The following ADARB2 variants were observed in gnomAD, a reference collection of about 807,000 sequenced individuals.
The protein encoded by ADARB2 is inactive double-stranded RNA-specific editase B2.
A neutral mutation model predicts 62.2 loss-of-function variants in ADARB2; 25 were observed. The observed-to-expected ratio is 0.40, with a 90% CI of 0.29 to 0.56. The LOEUF is 0.56. Ranked by LOEUF, ADARB2 falls within the 20% of genes least tolerant of loss-of-function variation. The pLI is 0.43. For missense variants in ADARB2, 1,071 were observed against 1,077.4 expected (o/e 0.99, Z 0.08); for synonymous variants, 572 against 500.8 (o/e 1.14, Z -1.90).
At chr10:1,518,148 G>C (rs980638391) in intron 1 of ADARB2, among the ~76,000 whole-genome samples, 2 of 152,212 alleles carry the variant, frequency 1.3e-5, no homozygotes, top group Non-Finnish European at 2.9e-5. Context: ...AGCAGCGAGA[G>C]CGATGGATCC....
chr10:1,534,599 G>C (rs1832299504), intron 1 of ADARB2: 1 of 152,454 alleles, frequency 6.6e-6, no homozygotes, highest in Admixed American at 6.5e-5. Context: ...GATGATCCCT[G>C]CATTAGTTGG....
At chr10:1,550,125 C>T (rs992473672) in intron 1 of ADARB2, among the ~76,000 whole-genome samples, 2 of 152,124 alleles carry the variant, frequency 1.3e-5, no homozygotes, top group African/African-American at 4.8e-5. Flanking sequence ...AAATGGGGTC[C>T]CTGCTCCCCA....
At chr10:1,578,061 G>A (rs1833044579) in intron 1 of ADARB2, among the ~76,000 whole-genome samples, 2 of 152,166 alleles carry the variant, frequency 1.3e-5, no homozygotes, top group Non-Finnish European at 2.9e-5. Flanking sequence ...AGTTGCTCCA[G>A]CCACCCCATC....
chr10:1,702,281 A>T lies in ADARB2; in HGVS notation c.100+34770T>A, dbSNP rs79945722. On this transcript the variant is annotated intron_variant, in intron 1 of 9. Coordinates refer to ENST00000381312, the MANE Select transcript of ADARB2 (RefSeq NM_018702.4). The stretch of plus-strand genomic sequence containing the variant: ...TATAAAAGCACAATTTTTGAATTAA[A>T]CTCAATTTTGACAGTAGTGGATAAC... Among the ~76,000 whole-genome samples, 1,044 of 152,356 alleles carry T rather than the reference A, an allele frequency of 6.9e-3. 4 individuals are homozygous for T. The highest frequency in any genetic ancestry group is 0.011 in the Non-Finnish European group (746 of 68,032).
rs549896893 is a variant in ADARB2, at chr10:1,604,418, G to C, written c.100+132633C>G. 3.9e-4 allele frequency among the ~76,000 whole-genome samples: 59 copies of C among 152,282 alleles called. 1 individual carries two copies. In the South Asian group the frequency reaches 0.011, roughly 29 times the overall value. ...GGCTTCCCTGTGATCTCCAGGCTGG[G>C]AACAGGCAGGAAGATTCGACCCAGA... On this transcript the variant is annotated intron_variant, in intron 1 of 9. Transcript: ENST00000381312.
At position 1,510,168 on chromosome 10, in the gene ADARB2, CTTTT is replaced by C. The variant is rs368944808; in HGVS notation, c.101-131012_101-131009del. Among the ~76,000 whole-genome samples the C allele has an allele frequency of 2.8e-4, 13 of 45,958 alleles. No homozygotes were observed. The Middle Eastern group carries it at 0.036, about 126-fold the overall frequency. The allele number at this position is 45,958 out of a possible 152,430, so 30.2% of individuals were successfully genotyped here. On this transcript the variant is annotated intron_variant, in intron 1 of 9. Transcript: ENST00000381312. ...TCTTTCTTTCTTTCTTTCTTTCTTTCTTTTTCTTTCTTTCTTTTTCTTTCTTTCT... is the reference window on the plus strand; with the variant it reads ...TCTTTCTTTCTTTCTTTCTTTCTTTCTCTTTCTTTCTTTTTCTTTCTTTCT...
chr10:1,375,970 TGTGCACACACAC>T (rs1564273601), intron 2 of ADARB2, among the ~76,000 whole-genome samples: 3 of 138,890 alleles, frequency 2.2e-5, no homozygotes, highest in African/African-American at 8.1e-5. Flanking sequence ...CACACACACA[TGTGCACACACAC>T]GCACACACAC....
At chr10:1,506,349 T>A (rs1383166968) in intron 1 of ADARB2, among the ~76,000 whole-genome samples, 1 of 152,182 alleles carries the variant, frequency 6.6e-6, no homozygotes. Flanking sequence ...CTGGAATGCC[T>A]AATGGAAGCT....
chr10:1,363,386 C>G lies in ADARB2; in HGVS notation c.719G>C (p.Arg240Pro). 2.2e-6 allele frequency: 3 copies of G among 1,334,278 alleles called. No homozygotes were observed. Among genetic ancestry groups the G allele is most frequent in the Non-Finnish European group, 2.9e-6 (3 of 1,041,402 alleles). 82.7% of individuals were successfully genotyped at this position (1,334,278 alleles called of 1,614,324 possible). Residue 240 changes from arginine (R) to proline (P), a missense_variant, in exon 3 of 10, where the codon CGC becomes CCC. Transcript: ENST00000381312. ...GGACAGAAGCGCGGCGTCCCCGGGGCGGCCTCCCGCGAGTCCGGGGCGCGG... is the reference window on the plus strand; with the variant it reads ...GGACAGAAGCGCGGCGTCCCCGGGGGGGCCTCCCGCGAGTCCGGGGCGCGG... Reference protein sequence around the residue: ...PAPRPGLAGGRPGDAALLSAA... With the variant: ...PAPRPGLAGGPPGDAALLSAA...
At chr10:1,453,704 G>T (rs929849382) in intron 1 of ADARB2, among the ~76,000 whole-genome samples, 3 of 152,090 alleles carry the variant, frequency 2.0e-5, no homozygotes, top group African/African-American at 7.2e-5. Context: ...TTGAACAGAC[G>T]TTTCTCCAAA....
At chr10:1,519,964 G>A (rs1158257014) in intron 1 of ADARB2, among the ~76,000 whole-genome samples, 1 of 152,122 alleles carries the variant, frequency 6.6e-6, no homozygotes, top group Non-Finnish European at 1.5e-5. Context: ...CACACCCTGG[G>A]CAAATCCTTT....
chr10:1,527,895 T>G (rs564724396), intron 1 of ADARB2, among the ~76,000 whole-genome samples: 42 of 152,264 alleles, frequency 2.8e-4, no homozygotes, highest in African/African-American at 1.0e-3. Context: ...CATTCATAAA[T>G]TTATCATTCT....
intron 1 of ADARB2, among the ~76,000 whole-genome samples, chr10:1,644,161 C>T (rs1350589301): frequency 6.6e-6 from 1 of 152,238 alleles, no homozygotes; most frequent in Non-Finnish European, 1.5e-5. Context: ...CCACAAAGAG[C>T]TCAAGGATAA....
chr10:1,539,992 A>T (rs1454387359), intron 1 of ADARB2, among the ~76,000 whole-genome samples: 1 of 152,168 alleles, frequency 6.6e-6, no homozygotes, highest in Non-Finnish European at 1.5e-5. Flanking sequence ...TTGACAAGTG[A>T]ACAAAAACCA....
chr10:1,496,266 T>C (rs1408053036), intron 1 of ADARB2, among the ~76,000 whole-genome samples: 1 of 151,764 alleles, frequency 6.6e-6, no homozygotes, highest in Non-Finnish European at 1.5e-5. Context: ...ATCAGCACCA[T>C]CATCATCAAC....
chr10:1,232,528 T>C (rs1830816828), intron 6 of ADARB2, among the ~76,000 whole-genome samples: 1 of 151,498 alleles, frequency 6.6e-6, no homozygotes, highest in Non-Finnish European at 1.5e-5. Context: ...GTGTGTGATG[T>C]GTGGTATATG....
chr10:1,273,719 G>A (rs1036514540), intron 3 of ADARB2, among the ~76,000 whole-genome samples: 5 of 152,174 alleles, frequency 3.3e-5, no homozygotes, highest in East Asian at 1.9e-4. Flanking sequence ...CTCAGGCCTC[G>A]AGAAGTCAGC....
At chr10:1,289,543 C>T (rs937744336) in intron 3 of ADARB2, among the ~76,000 whole-genome samples, 1 of 152,358 alleles carries the variant, frequency 6.6e-6, no homozygotes, top group Admixed American at 6.5e-5. Context: ...GCCACGGCTG[C>T]TGGGTGGGAC....
chr10:1,327,829 G>GTGC (rs1554754549), intron 3 of ADARB2, among the ~76,000 whole-genome samples: 1 of 51,152 alleles, frequency 2.0e-5, no homozygotes, highest in South Asian at 4.9e-4. Context: ...TCACAGCTCA[G>GTGC]CACCTCACAG....
Sources: allele counts gnomAD v4.1 joint callset (sites outside exome capture counted in the v4.1 genomes callset), GRCh38; gene constraint gnomAD v4.1.1; transcripts MANE v1.5; gene names NCBI Gene and HGNC (gene_info 2026-07-23, HGNC 2026-07-21).